Variants in TTC17 observed in about 807,000 individuals in gnomAD.
The protein encoded by TTC17 is tetratricopeptide repeat domain 17, also known as tetratricopeptide repeat protein 17.
TTC17 carries 58 observed loss-of-function variants against 143.8 expected under a neutral mutation model. The observed-to-expected ratio is 0.40, with a 90% CI of 0.33 to 0.50. The LOEUF (loss-of-function observed/expected upper bound fraction) is 0.50. TTC17 is among the 20% of genes least tolerant of loss of function. TTC17 has a pLI of 0.49. For synonymous variants in TTC17, 501 were observed against 497.8 expected (o/e 1.01, Z -0.09); for missense variants, 1,273 against 1,392.5 (o/e 0.91, Z 1.37).
At chr11:43,476,560 G>A (rs959411306) in intron 21 of TTC17, among the ~76,000 whole-genome samples, 2 of 152,194 alleles carry the variant, frequency 1.3e-5, no homozygotes, top group African/African-American at 4.8e-5. Context: ...TGACTTCTGT[G>A]CACCCACAGG....
At chr11:43,428,638 G>T (rs1947083376) in intron 16 of TTC17, among the ~76,000 whole-genome samples, 1 of 152,200 alleles carries the variant, frequency 6.6e-6, no homozygotes, top group South Asian at 2.1e-4. Flanking sequence ...CAGGGCATAT[G>T]GGATGCAGGG....
At chr11:43,414,874 G>A (rs995064953) in intron 16 of TTC17, 98 bp downstream of exon 16, 27 of 1,309,524 alleles carry the variant, frequency 2.1e-5, no homozygotes, top group Non-Finnish European at 2.6e-5. Flanking sequence ...TTTTACCCAA[G>A]GATTTTAGAT....
At position 43,447,989 on chromosome 11, in the gene TTC17, A is replaced by G. The variant is rs1191342324; in HGVS notation, c.2666-13A>G. 1.9e-6 allele frequency: 3 copies of G among 1,613,238 alleles called. No individual in the cohort carries two copies. The highest frequency in any genetic ancestry group is 2.2e-5 in the East Asian group (1 of 44,856). ...TTGCAATTGTGTGGATTCATGGCAT[A>G]CTTTCCTTCCAGGAAAAAAACGTGA... On this transcript the variant is annotated splice_polypyrimidine_tract_variant and intron_variant, in intron 18 of 23. Coordinates refer to ENST00000039989, the MANE Select transcript of TTC17 (RefSeq NM_018259.6).
rs376928236 is a variant in TTC17, at chr11:43,485,129, A to G, written c.3031-5110A>G. On this transcript the variant is annotated intron_variant, in intron 21 of 23. Transcript: ENST00000039989. Reference sequence around the variant, plus strand: ...TGCACGATAAATGTAATGCACTCGAATCATCCCAAAACCACCCCCTACCCC... The same window carrying G: ...TGCACGATAAATGTAATGCACTCGAGTCATCCCAAAACCACCCCCTACCCC... Among the ~76,000 whole-genome samples, 35 of 152,282 alleles carry G rather than the reference A, an allele frequency of 2.3e-4. No individual in the cohort carries two copies. The East Asian group carries it at 5.6e-3, about 24-fold the overall frequency.
At chr11:43,364,551 G>A (rs1856253437) in intron 1 of TTC17, among the ~76,000 whole-genome samples, 1 of 152,196 alleles carries the variant, frequency 6.6e-6, no homozygotes, top group South Asian at 2.1e-4. Flanking sequence ...AGTTACACCT[G>A]GAGAGGTCAT....
intron 21 of TTC17, among the ~76,000 whole-genome samples, chr11:43,463,573 GGAAA>G (rs1301249352): frequency 2.0e-5 from 3 of 151,852 alleles, no homozygotes; most frequent in African/African-American, 7.3e-5. Flanking sequence ...TTGAACAAAT[GGAAA>G]GACTTAACCA....
chr11:43,477,845 G>C (rs1171759131), intron 21 of TTC17, among the ~76,000 whole-genome samples: 2 of 152,062 alleles, frequency 1.3e-5, no homozygotes, highest in African/African-American at 4.8e-5. Flanking sequence ...CAATTGATGA[G>C]GGAAAGTCTC....
intron 19 of TTC17, 82 bp downstream of exon 19, chr11:43,448,204 G>C: frequency 6.4e-7 from 1 of 1,554,182 alleles, no homozygotes; most frequent in East Asian, 2.3e-5. Context: ...CCTCTTAGCA[G>C]CTAGTAGAAG....
intron 1 of TTC17, 67 bp downstream of exon 1, chr11:43,359,180 C>T (rs1049414243): frequency 1.4e-6 from 2 of 1,463,740 alleles, no homozygotes; most frequent in African/African-American, 1.5e-5. Context: ...CCTGCTTGGC[C>T]CCTGGCTGTT....
chr11:43,489,069 A>G (rs1405519425), intron 21 of TTC17, among the ~76,000 whole-genome samples: 2 of 151,172 alleles, frequency 1.3e-5, no homozygotes, highest in African/African-American at 4.9e-5. Context: ...TAAAAAACCA[A>G]ATTCTGTAGC....
At chr11:43,387,346 T>C (rs1004200806) in intron 2 of TTC17, among the ~76,000 whole-genome samples, 3 of 152,098 alleles carry the variant, frequency 2.0e-5, no homozygotes, top group Admixed American at 6.5e-5. Context: ...ATAAGCCTGG[T>C]TAAAGTTTCT....
intron 18 of TTC17, 120 bp from the exon 19 acceptor site, chr11:43,447,881 CT>C: frequency 1.6e-6 from 2 of 1,245,296 alleles, no homozygotes; most frequent in Non-Finnish European, 2.2e-6. Context: ...ATGTTAAAGA[CT>C]ACAGGAATGA....
chr11:43,467,362 T>C (rs1256747596), intron 21 of TTC17, among the ~76,000 whole-genome samples: 1 of 152,086 alleles, frequency 6.6e-6, no homozygotes, highest in Admixed American at 6.5e-5. Context: ...TTCCAACACA[T>C]GCTACAACAT....
At chr11:43,465,831 A>G (rs2134810218) in intron 21 of TTC17, among the ~76,000 whole-genome samples, 1 of 151,860 alleles carries the variant, frequency 6.6e-6, no homozygotes, top group South Asian at 2.1e-4. Context: ...AAACTGTACA[A>G]CTCTTGGAAG....
In TTC17 at chr11:43,423,279, G is replaced by A. The variant is rs535835071; in HGVS notation, c.2251+8503G>A. ...TTCTAACTTTGGTAACTGGATAGACGTCAATGTTGTTAAGAATGGGAATAC... is the reference window on the plus strand; with the variant it reads ...TTCTAACTTTGGTAACTGGATAGACATCAATGTTGTTAAGAATGGGAATAC... On this transcript the variant is annotated intron_variant, in intron 16 of 23. Coordinates refer to ENST00000039989, the MANE Select transcript of TTC17 (RefSeq NM_018259.6). Among the ~76,000 whole-genome samples the A allele has an allele frequency of 4.6e-5, 7 of 152,272 alleles. No individual in the cohort carries two copies. In the South Asian group the frequency reaches 6.2e-4, roughly 14 times the overall value.
chr11:43,448,744 A>G (rs1162116362), intron 19 of TTC17: 1 of 152,176 alleles, frequency 6.6e-6, no homozygotes, highest in Non-Finnish European at 1.5e-5. Flanking sequence ...TGTCTCCCTG[A>G]CCTGTCTGTC....
chr11:43,397,825 A>G, intron 7 of TTC17, 149 bp from the exon 8 acceptor site: 3 of 1,153,462 alleles, frequency 2.6e-6, no homozygotes, highest in Non-Finnish European at 3.6e-6. Flanking sequence ...CTGTAGAGTA[A>G]GAGGTAGGTG....
intron 16 of TTC17, among the ~76,000 whole-genome samples, chr11:43,426,059 G>A (rs1010822278): frequency 1.3e-5 from 2 of 152,230 alleles, no homozygotes; most frequent in Admixed American, 6.5e-5. Context: ...AAAAGAGCTA[G>A]AGGTCCGTAG....
chr11:43,431,963 T>A (rs144482620), intron 16 of TTC17, among the ~76,000 whole-genome samples: 74 of 152,370 alleles, frequency 4.9e-4, no homozygotes, highest in African/African-American at 1.7e-3. Flanking sequence ...CTCAATTCAT[T>A]TGTGGCATTT....
Sources: allele counts gnomAD v4.1 joint callset (sites outside exome capture counted in the v4.1 genomes callset), GRCh38; gene constraint gnomAD v4.1.1; transcripts MANE v1.5; gene names NCBI Gene and HGNC (gene_info 2026-07-23, HGNC 2026-07-21).